RBPMS: variants seen among roughly 807,000 people sequenced by gnomAD.
RBPMS encodes the protein RNA-binding protein with multiple splicing.
RBPMS carries 7 observed loss-of-function variants against 26.8 expected under a neutral mutation model. That is an observed-to-expected ratio of 0.26 (90% confidence interval 0.15 to 0.49). RBPMS has a LOEUF of 0.49. Ranked by LOEUF, RBPMS falls within the 20% of genes least tolerant of loss-of-function variation. RBPMS has a pLI of 0.98. For synonymous variants in RBPMS, 96 were observed against 93.3 expected, an observed-to-expected ratio of 1.03 and a Z score of -0.17; for missense variants, 186 against 250.0, an observed-to-expected ratio of 0.74 and a Z score of 1.73.
Position 30,453,072 on chromosome 8 carries a change from T to C in RBPMS, c.67-21707T>C, listed in dbSNP as rs145593730. On this transcript the variant is annotated intron_variant, in intron 1 of 8. Coordinates refer to ENST00000397323, the MANE Select transcript of RBPMS (RefSeq NM_001008710.3). ...TGCAGCAGTATTTCTCAGTGTGTGTTCTATGGGCTGCCTATATCCGCATCA... is the reference window on the plus strand; with the variant it reads ...TGCAGCAGTATTTCTCAGTGTGTGTCCTATGGGCTGCCTATATCCGCATCA... 6.4e-4 allele frequency among the ~76,000 whole-genome samples: 98 copies of C among 152,326 alleles called. No individual in the cohort carries two copies. In the East Asian group the frequency reaches 0.015, roughly 23 times the overall value.
intron 1 of RBPMS, among the ~76,000 whole-genome samples, chr8:30,452,697 T>G (rs1161346721): frequency 2.0e-5 from 3 of 152,186 alleles, no homozygotes; most frequent in African/African-American, 4.8e-5. Context: ...TGCCAATTGC[T>G]GAGTTGCTGA....
At chr8:30,517,189 C>CGT (rs56327512) in intron 5 of RBPMS, among the ~76,000 whole-genome samples, 16,850 of 132,168 alleles carry the variant, frequency 0.13, 1,068 homozygotes, top group Middle Eastern at 0.15. Flanking sequence ...GCCAAGACCC[C>CGT]GTGTGTGTGT....
At chr8:30,412,751 A>G (rs1809601272) in intron 1 of RBPMS, among the ~76,000 whole-genome samples, 1 of 152,158 alleles carries the variant, frequency 6.6e-6, no homozygotes, top group African/African-American at 2.4e-5. Flanking sequence ...TTTTTAAACC[A>G]ATGAATTAAA....
At position 30,387,001 on chromosome 8, in the gene RBPMS, C is replaced by A. The variant is rs573438368; in HGVS notation, c.66+1843C>A. On this transcript the variant is annotated intron_variant, in intron 1 of 8. Coordinates refer to ENST00000397323, the MANE Select transcript of RBPMS (RefSeq NM_001008710.3). The stretch of plus-strand genomic sequence containing the variant: ...GGACCAAGGGATTGCCTGCCCTGTT[C>A]CTGGACGCTCCTCCGTCCTTGTGAG... 4 of 152,214 alleles carry A rather than the reference C, an allele frequency of 2.6e-5. No homozygotes were observed. In the South Asian group the frequency reaches 8.3e-4, roughly 32 times the overall value. The allele number at this position is 152,214 out of a possible 1,614,324, so 9.4% of individuals were successfully genotyped here. A position where few individuals can be genotyped will look rare whatever the true frequency, so the allele number is the denominator to read the frequency against.
intron 7 of RBPMS, among the ~76,000 whole-genome samples, chr8:30,561,572 G>A (rs1827487086): frequency 6.6e-6 from 1 of 152,214 alleles, no homozygotes; most frequent in African/African-American, 2.4e-5. Context: ...CGTTGAGGAA[G>A]TTGGTGAAAC....
rs989956762 is a variant in RBPMS, at chr8:30,431,329, CCTTT to C, written c.67-43441_67-43438del. 2.8e-4 allele frequency among the ~76,000 whole-genome samples: 42 copies of C among 148,788 alleles called. No individual in the cohort carries two copies. In the East Asian group the frequency reaches 6.9e-3, roughly 24 times the overall value. On this transcript the variant is annotated intron_variant, in intron 1 of 8. Transcript: ENST00000397323. ...CAATCCCCTGCATTTCTTTCTTTCTCCTTTCTTTCTTTTCTTTTTTTTTCTTTCT... is the reference window on the plus strand; with the variant it reads ...CAATCCCCTGCATTTCTTTCTTTCTCCTTTCTTTTCTTTTTTTTTCTTTCT...
chr8:30,536,550 C>T (rs1824818672), intron 5 of RBPMS, among the ~76,000 whole-genome samples: 1 of 152,206 alleles, frequency 6.6e-6, no homozygotes. Flanking sequence ...CCTTTCCTCC[C>T]TCACCAAATA....
chr8:30,386,126 T>C (rs2150525802), intron 1 of RBPMS, among the ~76,000 whole-genome samples: 1 of 151,118 alleles, frequency 6.6e-6, no homozygotes, highest in East Asian at 2.0e-4. Flanking sequence ...TGCAGGAAAG[T>C]GCACGTCTAA....
chr8:30,487,825 T>G (rs1818954904), intron 4 of RBPMS, among the ~76,000 whole-genome samples: 1 of 152,164 alleles, frequency 6.6e-6, no homozygotes, highest in Admixed American at 6.5e-5. Flanking sequence ...CCGTGAAGTA[T>G]ATTTTTAAGA....
intron 1 of RBPMS, among the ~76,000 whole-genome samples, chr8:30,419,694 A>G (rs1563301286): frequency 6.6e-6 from 1 of 152,082 alleles, no homozygotes; most frequent in Non-Finnish European, 1.5e-5. Context: ...GTGTATATGA[A>G]GCGAATGAAT....
chr8:30,545,210 TAC>T, intron 6 of RBPMS: 1 of 1,289,272 alleles, frequency 7.8e-7, no homozygotes, highest in South Asian at 1.2e-5. Flanking sequence ...AAGATGGAAT[TAC>T]AGGTCAAGGT....
chr8:30,488,408 A>G (rs1410394412), intron 4 of RBPMS, among the ~76,000 whole-genome samples: 1 of 152,240 alleles, frequency 6.6e-6, no homozygotes, highest in Non-Finnish European at 1.5e-5. Flanking sequence ...TGATGTCCAA[A>G]TAAAAGAACA....
At chr8:30,468,606 A>G (rs1356246322) in intron 1 of RBPMS, among the ~76,000 whole-genome samples, 1 of 152,176 alleles carries the variant, frequency 6.6e-6, no homozygotes, top group Non-Finnish European at 1.5e-5. Context: ...GATTATGTAA[A>G]TCCTTGGATT....
At chr8:30,547,439 A>C in intron 6 of RBPMS, 5 of 1,580,368 alleles carry the variant, frequency 3.2e-6, no homozygotes, top group Non-Finnish European at 4.3e-6. Flanking sequence ...TTTGTTAGCT[A>C]TTTTCCCCCC....
chr8:30,523,523 T>G (rs1823271370), intron 5 of RBPMS, among the ~76,000 whole-genome samples: 2 of 151,370 alleles, frequency 1.3e-5, no homozygotes, highest in South Asian at 4.2e-4. Context: ...GTCCAAGGCT[T>G]AAGCAGCTTC....
chr8:30,559,854 T>C (rs1349996326), intron 7 of RBPMS, among the ~76,000 whole-genome samples: 1 of 152,226 alleles, frequency 6.6e-6, no homozygotes, highest in Non-Finnish European at 1.5e-5. Flanking sequence ...GTCATGGGCC[T>C]TTCCTTGGAG....
chr8:30,560,606 AAAT>A, intron 7 of RBPMS, among the ~76,000 whole-genome samples: 1 of 152,226 alleles, frequency 6.6e-6, no homozygotes, highest in East Asian at 1.9e-4. Flanking sequence ...GAGTGTGGCC[AAAT>A]AATAATAGTC....
chr8:30,411,985 CAAAAAAA>C (rs11367222), intron 1 of RBPMS, among the ~76,000 whole-genome samples: 3 of 120,970 alleles, frequency 2.5e-5, no homozygotes, highest in South Asian at 2.7e-4. Flanking sequence ...GACTTCGTCT[CAAAAAAA>C]AAAAAAAAAC....
At chr8:30,410,457 C>T (rs1809231638) in intron 1 of RBPMS, among the ~76,000 whole-genome samples, 1 of 152,090 alleles carries the variant, frequency 6.6e-6, no homozygotes, top group Non-Finnish European at 1.5e-5. Context: ...ATCTGCCCCC[C>T]TCGGCCTCCC....
Sources: allele counts gnomAD v4.1 joint callset (sites outside exome capture counted in the v4.1 genomes callset), GRCh38; gene constraint gnomAD v4.1.1; transcripts MANE v1.5; gene names NCBI Gene and HGNC (gene_info 2026-07-23, HGNC 2026-07-21).